KIAA1217: variants seen among roughly 807,000 people sequenced by gnomAD.
KIAA1217 encodes the protein sickle tail protein homolog.
In KIAA1217, 88 loss-of-function variants were observed where a neutral mutation model predicts 163.9. The observed-to-expected ratio is 0.54, with a 90% CI of 0.45 to 0.64. The LOEUF (loss-of-function observed/expected upper bound fraction) is 0.64, where lower values mean the gene tolerates loss of function less well. KIAA1217 is among the 30% of genes least tolerant of loss of function. The pLI, the probability that KIAA1217 is intolerant of heterozygous loss-of-function variation, is 0.00. For missense variants in KIAA1217, 2,372 were observed against 2,475.0 expected, an observed-to-expected ratio of 0.96 and a Z score of 0.88; for synonymous variants, 903 against 923.1, an observed-to-expected ratio of 0.98 and a Z score of 0.39.
At chr10:24,488,328 G>C (rs891211085) in intron 6 of KIAA1217, among the ~76,000 whole-genome samples, 17 of 152,120 alleles carry the variant, frequency 1.1e-4, no homozygotes, top group African/African-American at 4.1e-4. Context: ...CCTGGGTAGT[G>C]GTAGGGAACT....
intron 1 of KIAA1217, among the ~76,000 whole-genome samples, chr10:23,745,724 G>A (rs774286451): frequency 7.9e-5 from 12 of 152,146 alleles, no homozygotes; most frequent in Non-Finnish European, 1.6e-4. Context: ...AAATGTGACC[G>A]ACAGGTGTGG....
chr10:23,903,830 C>T (rs1463131341), intron 1 of KIAA1217, among the ~76,000 whole-genome samples: 1 of 152,072 alleles, frequency 6.6e-6, no homozygotes, highest in African/African-American at 2.4e-5. Context: ...CTAGCCCTGG[C>T]ACTTGGGAAC....
intron 1 of KIAA1217, among the ~76,000 whole-genome samples, chr10:23,778,004 G>A (rs754040454): frequency 2.6e-5 from 4 of 151,848 alleles, no homozygotes; most frequent in Non-Finnish European, 5.9e-5. Flanking sequence ...GTGCAGTGGT[G>A]TGATCTCGGC....
intron 1 of KIAA1217, among the ~76,000 whole-genome samples, chr10:23,702,885 G>A (rs1414009475): frequency 6.6e-6 from 1 of 151,984 alleles, no homozygotes; most frequent in African/African-American, 2.4e-5. Flanking sequence ...ATGCCACCTC[G>A]CCCGGTAATT....
At chr10:24,475,799 C>T (rs1028112951) in intron 6 of KIAA1217, among the ~76,000 whole-genome samples, 8 of 152,040 alleles carry the variant, frequency 5.3e-5, no homozygotes, top group African/African-American at 7.2e-5. Flanking sequence ...CCAAGATGTG[C>T]GATAAGTCTT....
chr10:24,484,326 C>A (rs2065116630), intron 6 of KIAA1217, among the ~76,000 whole-genome samples: 1 of 143,124 alleles, frequency 7.0e-6, no homozygotes, highest in Admixed American at 7.2e-5. Flanking sequence ...CTCACTGCAA[C>A]CTCCGCCTCC....
rs79190079 is a variant in KIAA1217, at chr10:24,402,841, G to C, written c.553+21774G>C. ...TAGCTTGTCTTTTCATCCTCTGAAG[G>C]AGATCCAGTCTGGGCACGATGGCTC... On this transcript the variant is annotated intron_variant, in intron 3 of 20. Transcript: ENST00000376454. Among the ~76,000 whole-genome samples, 36 of 152,136 alleles carry C rather than the reference G, an allele frequency of 2.4e-4. No individual in the cohort carries two copies. The East Asian group carries it at 7.0e-3, about 30-fold the overall frequency.
At chr10:23,960,963 T>C (rs1844795101) in intron 1 of KIAA1217, among the ~76,000 whole-genome samples, 1 of 152,194 alleles carries the variant, frequency 6.6e-6, no homozygotes, top group Non-Finnish European at 1.5e-5. Context: ...TTACACTGCA[T>C]TGAGAATGTT....
At chr10:24,536,688 C>T (rs2074065303) in intron 16 of KIAA1217, 86 bp from the exon 17 acceptor site, 1 of 1,457,562 alleles carries the variant, frequency 6.9e-7, no homozygotes, top group African/African-American at 1.4e-5. Context: ...TTGGGGTCCA[C>T]AAGCGTCTGG....
At chr10:24,185,884 A>T (rs929405194) in intron 2 of KIAA1217, among the ~76,000 whole-genome samples, 2 of 152,170 alleles carry the variant, frequency 1.3e-5, no homozygotes, top group African/African-American at 4.8e-5. Flanking sequence ...GAATCGCTGG[A>T]ACCTGGGAGG....
chr10:24,129,570 C>T (rs1011460849), intron 2 of KIAA1217, among the ~76,000 whole-genome samples: 26 of 152,108 alleles, frequency 1.7e-4, no homozygotes, highest in Non-Finnish European at 2.9e-4. Flanking sequence ...CAATAGGACT[C>T]CTGCCACTCT....
intron 13 of KIAA1217, among the ~76,000 whole-genome samples, chr10:24,526,152 G>A (rs781211975): frequency 6.6e-6 from 1 of 151,886 alleles, no homozygotes; most frequent in Non-Finnish European, 1.5e-5. Flanking sequence ...CAACCTTGTC[G>A]TAACCCTCCT....
At chr10:24,071,900 GA>G (rs1309450494) in intron 2 of KIAA1217, among the ~76,000 whole-genome samples, 2 of 152,050 alleles carry the variant, frequency 1.3e-5, no homozygotes, top group Non-Finnish European at 2.9e-5. Flanking sequence ...AAAAATAATA[GA>G]ATATTATTTT....
rs963633338 is a variant in KIAA1217 at position 23,730,245 on chromosome 10, CT to C, written c.-321+35020del. On this transcript the variant is annotated intron_variant, in intron 1 of 18. Coordinates refer to the KIAA1217 transcript ENST00000376462. ...TGCTTTTTACATCTGTGTCTAGATT[CT>C]TTTTTTTTCTTGCATGTGGATGTTC... is the stretch of plus-strand genomic sequence containing the variant. Among the ~76,000 whole-genome samples the C allele has an allele frequency of 4.6e-5, 7 of 151,632 alleles. No homozygotes were observed. The East Asian group carries it at 9.6e-4, about 21-fold the overall frequency.
intron 1 of KIAA1217, among the ~76,000 whole-genome samples, chr10:23,811,132 T>C (rs1054733683): frequency 7.1e-6 from 1 of 139,888 alleles, no homozygotes; most frequent in South Asian, 2.1e-4. Context: ...ACATACTATA[T>C]ATAGATTATA....
intron 5 of KIAA1217, among the ~76,000 whole-genome samples, chr10:24,453,610 A>C (rs2061549394): frequency 6.6e-6 from 1 of 152,214 alleles, no homozygotes; most frequent in African/African-American, 2.4e-5. Context: ...TTATTTTAAA[A>C]AACAGCCTCT....
intron 1 of KIAA1217, among the ~76,000 whole-genome samples, chr10:23,772,459 A>G (rs1404794551): frequency 6.6e-6 from 1 of 152,218 alleles, no homozygotes; most frequent in East Asian, 1.9e-4. Context: ...GATGAAAAGA[A>G]AGAAAGAACA....
At chr10:24,236,960 A>G (rs2072366717) in intron 2 of KIAA1217, among the ~76,000 whole-genome samples, 1 of 152,164 alleles carries the variant, frequency 6.6e-6, no homozygotes, top group South Asian at 2.1e-4. Flanking sequence ...CCCGTTTTCT[A>G]CCTCTGCTAT....
chr10:24,207,838 AC>A (rs2067649521), upstream of KIAA1217, among the ~76,000 whole-genome samples: 1 of 151,702 alleles, frequency 6.6e-6, no homozygotes, highest in African/African-American at 2.4e-5. Flanking sequence ...AAAATACGTC[AC>A]CCCCACTGCC....
Sources: allele counts gnomAD v4.1 joint callset (sites outside exome capture counted in the v4.1 genomes callset), GRCh38; gene constraint gnomAD v4.1.1; transcripts MANE v1.5; gene names NCBI Gene and HGNC (gene_info 2026-07-23, HGNC 2026-07-21).